The following PPP2R2B variants were observed in gnomAD, a reference collection of about 807,000 sequenced individuals.
PPP2R2B encodes the protein protein phosphatase 2 regulatory subunit Bbeta.
In PPP2R2B, 5 loss-of-function variants were observed where a neutral mutation model predicts 46.0. The ratio of observed to expected loss-of-function variants is 0.11; its 90% CI spans 0.06 to 0.23. The LOEUF is 0.23. Among genes scored for constraint, PPP2R2B ranks in the 10% least tolerant of loss-of-function variants. The pLI is 1.00. For synonymous variants in PPP2R2B, 215 were observed against 206.7 expected (o/e 1.04, Z -0.34); for missense variants, 367 against 575.0 (o/e 0.64, Z 3.70).
intron 2 of PPP2R2B, among the ~76,000 whole-genome samples, chr5:146,766,998 G>A (rs1297085291): frequency 3.6e-5 from 5 of 137,334 alleles, no homozygotes; most frequent in Non-Finnish European, 6.1e-5. Flanking sequence ...AGGTTGCAGT[G>A]AGCCGAGACC....
chr5:146,662,752 T>C (rs1040683983), intron 5 of PPP2R2B, among the ~76,000 whole-genome samples: 39 of 152,066 alleles, frequency 2.6e-4, no homozygotes, highest in Admixed American at 4.6e-4. Context: ...ATTTTTATAA[T>C]CATAAAAAGA....
At chr5:146,654,310 A>C (rs1776179105) in intron 5 of PPP2R2B, among the ~76,000 whole-genome samples, 1 of 152,182 alleles carries the variant, frequency 6.6e-6, no homozygotes, top group Admixed American at 6.6e-5. Context: ...TCACACAAAG[A>C]ATAAGCTGGG....
intron 2 of PPP2R2B, among the ~76,000 whole-genome samples, chr5:146,798,970 T>C (rs1473089062): frequency 6.6e-6 from 1 of 152,146 alleles, no homozygotes; most frequent in African/African-American, 2.4e-5. Flanking sequence ...TTTGAGAATT[T>C]ATAAAACCAT....
rs552645578 is a variant in PPP2R2B, at chr5:146,899,209, G to T, written c.79+156456C>A. On this transcript the variant is annotated intron_variant, in intron 1 of 8. Transcript: ENST00000336640. ...TTGCAGCACTATTCACAATAGCAAA[G>T]ACTTGGAACCAACCCAAGTGTCCAA... Among the ~76,000 whole-genome samples the T allele has an allele frequency of 1.6e-3, 231 of 144,242 alleles. 4 individuals carry two copies. The highest frequency in any genetic ancestry group is 5.6e-3 in the African/African-American group (207 of 37,184). 94.6% of individuals were successfully genotyped at this position (144,242 alleles called of 152,430 possible).
chr5:146,724,365 G>A (rs1330634090), intron 2 of PPP2R2B, among the ~76,000 whole-genome samples: 1 of 151,718 alleles, frequency 6.6e-6, no homozygotes, highest in Non-Finnish European at 1.5e-5. Flanking sequence ...TTTTATTAGT[G>A]AGCTTTTATT....
chr5:146,984,476 A>G (rs1753329182), intron 1 of PPP2R2B, among the ~76,000 whole-genome samples: 1 of 152,174 alleles, frequency 6.6e-6, no homozygotes, highest in Non-Finnish European at 1.5e-5. Context: ...TTCTTTATCC[A>G]TTCATCTGTT....
chr5:146,826,383 G>C (rs1343528085), intron 2 of PPP2R2B, among the ~76,000 whole-genome samples: 2 of 152,112 alleles, frequency 1.3e-5, no homozygotes, highest in Non-Finnish European at 1.5e-5. Context: ...TTCTGAAGTA[G>C]AACCTTAGAG....
intron 2 of PPP2R2B, among the ~76,000 whole-genome samples, chr5:146,714,185 C>G (rs1194997): frequency 0.023 from 3,454 of 152,218 alleles, 183 homozygotes; most frequent in East Asian, 0.19. Flanking sequence ...GAAGTTCAGA[C>G]AAGTGACCAA....
chr5:146,706,848 C>A, intron 2 of PPP2R2B: 2 of 1,100,622 alleles, frequency 1.8e-6, no homozygotes, highest in Non-Finnish European at 2.8e-6. Flanking sequence ...ATGATGCTGT[C>A]CGTGTCCAGG....
At chr5:146,901,387 C>T (rs978255403) in intron 1 of PPP2R2B, among the ~76,000 whole-genome samples, 1 of 152,002 alleles carries the variant, frequency 6.6e-6, no homozygotes, top group Non-Finnish European at 1.5e-5. Context: ...CACCTATCAT[C>T]CCAGCTACTT....
intron 2 of PPP2R2B, among the ~76,000 whole-genome samples, chr5:146,855,334 A>G (rs1760592889): frequency 6.6e-6 from 1 of 152,198 alleles, no homozygotes; most frequent in South Asian, 2.1e-4. Flanking sequence ...TTATATAAAA[A>G]CACATTTAAA....
intron 1 of PPP2R2B, among the ~76,000 whole-genome samples, chr5:147,040,351 T>C (rs908626387): frequency 5.9e-5 from 9 of 152,168 alleles, no homozygotes; most frequent in African/African-American, 2.2e-4. Flanking sequence ...CCATTTATCA[T>C]CTCAGCTCTA....
Position 146,600,475 on chromosome 5 carries a change from C to T in PPP2R2B, c.791-15G>A, listed in dbSNP as rs1282973683. On this transcript the variant is annotated splice_polypyrimidine_tract_variant and intron_variant, in intron 7 of 9. Transcript: ENST00000394411. ...CTCTTCAAAAACTGCAGAACAAAAG[C>T]AAAACAAGACAAATTTAGCAATCCT... 1.2e-6 allele frequency: 2 copies of T among 1,612,260 alleles called. No individual in the cohort carries two copies. Among genetic ancestry groups the T allele is most frequent in the Non-Finnish European group, 1.7e-6 (2 of 1,179,112 alleles).
chr5:146,689,213 C>T (rs2151149489), intron 5 of PPP2R2B, among the ~76,000 whole-genome samples: 1 of 152,212 alleles, frequency 6.6e-6, no homozygotes, highest in South Asian at 2.1e-4. Context: ...GTTTCTTACA[C>T]AAAATAACTT....
chr5:146,709,386 A>G (rs1237934019), intron 2 of PPP2R2B, among the ~76,000 whole-genome samples: 1 of 152,132 alleles, frequency 6.6e-6, no homozygotes, highest in Non-Finnish European at 1.5e-5. Context: ...CCTACTCAGA[A>G]TCTTTCTTCC....
chr5:146,642,946 A>C (rs1207148997), intron 6 of PPP2R2B, among the ~76,000 whole-genome samples: 1 of 152,144 alleles, frequency 6.6e-6, no homozygotes, highest in Admixed American at 6.5e-5. Flanking sequence ...AGTTCCAGCT[A>C]CTGGGGAGGC....
intron 1 of PPP2R2B, among the ~76,000 whole-genome samples, chr5:146,997,964 C>A (rs551688588): frequency 6.6e-6 from 1 of 152,188 alleles, no homozygotes; most frequent in East Asian, 1.9e-4. Flanking sequence ...TAAACTGAAA[C>A]CCCAAAGGTA....
In PPP2R2B at chr5:146,878,220, G is replaced by A; in HGVS notation, c.-124-25C>T. The A allele has an allele frequency of 1.3e-6, 2 of 1,537,522 alleles. No homozygotes were observed. The highest frequency in any genetic ancestry group is 1.4e-5 in the African/African-American group (1 of 72,052). ...CCTGAGGAGGAGACGGGGAGGCGGAGAGAAAAAAAATAAAAACCCGGCAAT... is the reference window on the plus strand; with the variant it reads ...CCTGAGGAGGAGACGGGGAGGCGGAAAGAAAAAAAATAAAAACCCGGCAAT... On this transcript the variant is annotated intron_variant, in intron 1 of 9. Transcript: ENST00000394411. The surrounding 1 kb of genome is among the most constrained non-coding windows in gnomAD (Gnocchi z 4.5).
intron 2 of PPP2R2B, among the ~76,000 whole-genome samples, chr5:146,814,852 C>T (rs1757834416): frequency 6.6e-6 from 1 of 152,198 alleles, no homozygotes; most frequent in South Asian, 2.1e-4. Context: ...CTTGATCTCT[C>T]AAGTTGTCTG....
Sources: gnomAD v4.1 joint callset for allele counts (sites outside exome capture counted in the v4.1 genomes callset) on GRCh38, gnomAD v4.1.1 for gene constraint, Gnocchi (gnomAD v3.1) non-coding constraint, MANE v1.5 for transcripts, NCBI Gene and HGNC (gene_info 2026-07-23, HGNC 2026-07-21) for gene names.